VPS28: variants seen among roughly 807,000 people sequenced by gnomAD.
VPS28 encodes VPS28 subunit of ESCRT-I.
VPS28 carries 29 observed loss-of-function variants against 33.7 expected under a neutral mutation model. The observed-to-expected ratio is 0.86, with a 90% confidence interval of 0.64 to 1.17. VPS28 has a LOEUF of 1.17. Among genes scored for constraint, VPS28 ranks in the 50% most tolerant of loss-of-function variants. The probability of loss-of-function intolerance (pLI) is 0.00; values close to 1 mark genes in which losing one functional copy is unlikely to be tolerated. For synonymous variants in VPS28, 164 were observed against 116.7 expected, an observed-to-expected ratio of 1.40 and a Z score of -2.61; for missense variants, 247 against 312.2, an observed-to-expected ratio of 0.79 and a Z score of 1.57.
At chr8:144,424,190 C>T in intron 8 of VPS28, 25 bp downstream of exon 8, 1 of 1,578,226 alleles carries the variant, frequency 6.3e-7, no homozygotes, top group Non-Finnish European at 8.6e-7. Flanking sequence ...CCTGCCTAGG[C>T]CCCCTGCCAG....
chr8:144,424,211 G>C lies in VPS28; in HGVS notation c.456+4C>G. ...TAGGCCCCCTGCCAGCCCAATACCCGCACCTCATCCATGGCGCGGATCTCC... is the reference window on the plus strand; with the variant it reads ...TAGGCCCCCTGCCAGCCCAATACCCCCACCTCATCCATGGCGCGGATCTCC... On this transcript the variant is annotated splice_donor_region_variant and intron_variant, in intron 8 of 9. Transcript: ENST00000292510. 1 of 1,598,122 alleles carries C rather than the reference G, an allele frequency of 6.3e-7. No homozygotes were observed. Among genetic ancestry groups the C allele is most frequent in the Non-Finnish European group, 8.5e-7 (1 of 1,171,120 alleles).
At position 144,426,889 on chromosome 8, in the gene VPS28, G is replaced by A. The variant is rs1199786990; in HGVS notation, c.37+20C>T. 7 of 1,611,626 alleles carry A rather than the reference G, an allele frequency of 4.3e-6. No homozygotes were observed. Among genetic ancestry groups the A allele is most frequent in the Middle Eastern group, 1.6e-4 (1 of 6,076 alleles). On this transcript the variant is annotated intron_variant, in intron 2 of 9. Coordinates refer to ENST00000292510, the MANE Select transcript of VPS28 (RefSeq NM_016208.4). ...CCTGCAGAAGCGGCTGAAAGCCTGC[G>A]CCCTTCCAGCCACACTCACCTCCTA...
intron 9 of VPS28, 35 bp downstream of exon 9, chr8:144,424,006 C>T (rs782024545): frequency 2.5e-6 from 4 of 1,602,330 alleles, no homozygotes; most frequent in Non-Finnish European, 3.4e-6. Flanking sequence ...GTCTCGGGCA[C>T]TGCGGGGCTC....
intron 7 of VPS28, 130 bp from the exon 8 acceptor site, chr8:144,424,398 T>A (rs2928377): frequency 0.077 from 96,840 of 1,251,502 alleles, 4,457 homozygotes; most frequent in Non-Finnish European, 0.089. Flanking sequence ...TCCCAAACCC[T>A]GCAGGCCTCC....
intron 2 of VPS28, 99 bp downstream of exon 2, chr8:144,426,810 G>A (rs1586669561): frequency 2.9e-6 from 4 of 1,385,654 alleles, no homozygotes; most frequent in East Asian, 2.5e-5. Context: ...TACGAGAGCA[G>A]GGTCAGATAC....
At chr8:144,425,182 G>A in intron 5 of VPS28, 131 bp from the exon 6 acceptor site, 2 of 762,010 alleles carry the variant, frequency 2.6e-6, no homozygotes, top group South Asian at 3.4e-5. Flanking sequence ...GCCGAGCAAG[G>A]AGGAGGGGCT....
At position 144,423,907 on chromosome 8, in the gene VPS28, G is replaced by A. The variant is rs369965146; in HGVS notation, c.564C>T (p.Ser188=). 16 of 1,613,002 alleles carry A rather than the reference G, an allele frequency of 9.9e-6. No homozygotes were observed. Among genetic ancestry groups the A allele is most frequent in the Admixed American group, 1.7e-5 (1 of 60,002 alleles). ...CCAGCTCATCTGACGCCGACATGCC[G>A]CTCAGGGTCTGCAGCCTGGGAGTGC... is the stretch of plus-strand genomic sequence containing the variant. The part of the protein sequence containing the change: ...QTVSQWLQTL[S]GMSASDELDD... Residue 188 remains serine, a synonymous_variant, in exon 10 of 10, where the codon AGC becomes AGT. Coordinates refer to ENST00000292510, the MANE Select transcript of VPS28 (RefSeq NM_016208.4).
At chr8:144,425,640 C>T (rs781859844) in intron 5 of VPS28, 43 bp downstream of exon 5, 8 of 1,601,488 alleles carry the variant, frequency 5.0e-6, no homozygotes, top group Non-Finnish European at 5.1e-6. Context: ...AGCACCCAAG[C>T]CCCCCAGGGC....
chr8:144,426,543 A>C (rs550307915), intron 2 of VPS28: 6 of 413,734 alleles, frequency 1.5e-5, no homozygotes, highest in South Asian at 1.2e-4. Context: ...CAGCTCCACC[A>C]TGGCTCCCTG....
At chr8:144,427,621 G>A (rs1291715063) in intron 1 of VPS28, among the ~76,000 whole-genome samples, 3 of 152,282 alleles carry the variant, frequency 2.0e-5, no homozygotes, top group Middle Eastern at 3.4e-3. Flanking sequence ...CATGAACTTG[G>A]AGGAACCAAC....
At chr8:144,424,505 C>T (rs560277571) in intron 7 of VPS28, 23 of 784,118 alleles carry the variant, frequency 2.9e-5, no homozygotes, top group African/African-American at 1.6e-4. Context: ...CCCGCCAGAA[C>T]GCACCCTGTG....
Position 144,425,772 on chromosome 8 carries a change from C to T in VPS28, c.105G>A (p.Lys35=). The T allele has an allele frequency of 6.2e-7, 1 of 1,613,868 alleles. No homozygotes were observed. The highest frequency in any genetic ancestry group is 1.1e-5 in the South Asian group (1 of 91,088). The change falls in exon 5 of 10, where the codon AAG becomes AAA. Residue 35 remains lysine (K), a splice_region_variant and synonymous_variant. Coordinates refer to ENST00000292510, the MANE Select transcript of VPS28 (RefSeq NM_016208.4). ...KLYKNARERE[K]YDNMAELFAV... The stretch of plus-strand genomic sequence containing the variant: ...CAAACAGCTCTGCCATGTTGTCGTA[C>T]CTGAGGACACACCTGTCTATCGGGC...
intron 6 of VPS28, 58 bp from the exon 7 acceptor site, chr8:144,424,877 A>G (rs1822617748): frequency 6.2e-7 from 1 of 1,612,204 alleles, no homozygotes; most frequent in African/African-American, 1.3e-5. Context: ...AGGTGGCCAG[A>G]GCCCTCTGGC....
intron 2 of VPS28, 125 bp downstream of exon 2, chr8:144,426,784 G>C (rs1344087366): frequency 4.7e-6 from 5 of 1,071,418 alleles, no homozygotes; most frequent in African/African-American, 1.6e-5. Flanking sequence ...TTAGCCCCTG[G>C]CCACCCCCAA....
intron 4 of VPS28, 23 bp downstream of exon 4, chr8:144,426,003 A>G: frequency 6.7e-7 from 1 of 1,496,272 alleles, no homozygotes; most frequent in Non-Finnish European, 9.0e-7. Context: ...GTGTGTTGGG[A>G]CAGCCTGGGC....
At position 144,425,211 on chromosome 8, in the gene VPS28, TGAGGCCC is replaced by T. The variant is rs1554876415; in HGVS notation, c.195-167_195-161del. 4 of 648,410 alleles carry T rather than the reference TGAGGCCC, an allele frequency of 6.2e-6. No individual in the cohort carries two copies. In the African/African-American group the frequency reaches 7.3e-5, roughly 12 times the overall value. 40.2% of individuals were successfully genotyped at this position (648,410 alleles called of 1,614,324 possible). On this transcript the variant is annotated intron_variant, in intron 5 of 9. Coordinates refer to ENST00000292510, the MANE Select transcript of VPS28 (RefSeq NM_016208.4). ...AGGGGCTGCTAGTAGCTTTTGGGGG[TGAGGCCC>T]TGAGCACGTAGTGGGGCTTGTAGCT...
chr8:144,425,536 G>A (rs1822669394), intron 5 of VPS28, 147 bp downstream of exon 5: 1 of 797,568 alleles, frequency 1.3e-6, no homozygotes, highest in Non-Finnish European at 1.9e-6. Flanking sequence ...GGACTTCCCT[G>A]GCTGAGACCC....
chr8:144,425,175 G>A (rs1460790482), intron 5 of VPS28, 124 bp from the exon 6 acceptor site: 37 of 791,956 alleles, frequency 4.7e-5, no homozygotes, highest in South Asian at 3.6e-4. Flanking sequence ...AAGGCAGGCC[G>A]AGCAAGGAGG....
chr8:144,425,547 A>G lies in VPS28; in HGVS notation c.194+136T>C, dbSNP rs569851471. 8.9e-6 allele frequency: 8 copies of G among 899,798 alleles called. No homozygotes were observed. In the East Asian group the frequency reaches 2.1e-4, roughly 24 times the overall value. 55.7% of individuals were successfully genotyped at this position (899,798 alleles called of 1,614,324 possible). ...CCCAGGACTTCCCTGGCTGAGACCCAGGGGCACCCTCCTCACGCTGGGTGG... is the reference window on the plus strand; with the variant it reads ...CCCAGGACTTCCCTGGCTGAGACCCGGGGGCACCCTCCTCACGCTGGGTGG... On this transcript the variant is annotated intron_variant, in intron 5 of 9. Transcript: ENST00000292510.
Sources: allele counts gnomAD v4.1 joint callset (sites outside exome capture counted in the v4.1 genomes callset), GRCh38; gene constraint gnomAD v4.1.1; transcripts MANE v1.5; gene names NCBI Gene and HGNC (gene_info 2026-07-23, HGNC 2026-07-21).